CYRIB: variants seen among roughly 807,000 people sequenced by gnomAD.
The protein encoded by CYRIB is CYFIP-related Rac1 interactor B.
CYRIB carries 8 observed loss-of-function variants against 44.2 expected under a neutral mutation model. The ratio of observed to expected loss-of-function variants is 0.18; its 90% CI spans 0.11 to 0.33. The LOEUF is 0.33. Among genes scored for constraint, CYRIB ranks in the 10% least tolerant of loss-of-function variants. The pLI, the probability that CYRIB is intolerant of heterozygous loss-of-function variation, is 1.00. For missense variants in CYRIB, 185 were observed against 382.8 expected (o/e 0.48, Z 4.31); for synonymous variants, 131 against 127.2 (o/e 1.03, Z -0.20).
Position 129,893,152 on chromosome 8 carries a change from C to T in CYRIB, c.-11+10160G>A, listed in dbSNP as rs181864769. 3.9e-5 allele frequency among the ~76,000 whole-genome samples: 6 copies of T among 152,344 alleles called. No homozygotes were observed. The East Asian group carries it at 1.2e-3, about 29-fold the overall frequency. On this transcript the variant is annotated intron_variant, in intron 2 of 11. Transcript: ENST00000519824. ...TTCAGGTACCTACCTCTTTCTAATA[C>T]ACATGCTACAACGCATGGATGATCA...
At chr8:129,975,652 C>T (rs1459664954) in intron 1 of CYRIB, among the ~76,000 whole-genome samples, 1 of 152,178 alleles carries the variant, frequency 6.6e-6, no homozygotes, top group African/African-American at 2.4e-5. Context: ...CTGCTTCATT[C>T]CATAATTATT....
chr8:129,989,621 C>G (rs998124086), intron 1 of CYRIB, among the ~76,000 whole-genome samples: 1 of 150,974 alleles, frequency 6.6e-6, no homozygotes, highest in Admixed American at 6.6e-5. Context: ...TTCAGGACCT[C>G]GCAAGCCTGA....
intron 1 of CYRIB, among the ~76,000 whole-genome samples, chr8:130,010,341 G>A (rs1324278293): frequency 6.6e-6 from 1 of 152,216 alleles, no homozygotes; most frequent in African/African-American, 2.4e-5. Flanking sequence ...GCACTGTGGA[G>A]CGGTGAGCAA....
intron 1 of CYRIB, among the ~76,000 whole-genome samples, chr8:129,907,343 A>AG (rs112839631): frequency 0.057 from 8,649 of 152,158 alleles, 817 homozygotes; most frequent in African/African-American, 0.19. Flanking sequence ...AACCTATCGC[A>AG]GAACAAAAAA....
chr8:129,937,971 AC>A (rs1311414363), intron 1 of CYRIB, among the ~76,000 whole-genome samples: 1 of 152,136 alleles, frequency 6.6e-6, no homozygotes, highest in Non-Finnish European at 1.5e-5. Flanking sequence ...ACAGCCAAGT[AC>A]CTTTTTAACA....
chr8:129,992,892 C>T (rs1043391042), intron 1 of CYRIB, among the ~76,000 whole-genome samples: 29 of 152,154 alleles, frequency 1.9e-4, no homozygotes, highest in African/African-American at 7.0e-4. Flanking sequence ...GCAAATTTGG[C>T]TCCGAGCTTC....
At chr8:129,855,390 CAAAA>C (rs200820053) in intron 6 of CYRIB, among the ~76,000 whole-genome samples, 3 of 102,340 alleles carry the variant, frequency 2.9e-5, no homozygotes, top group Non-Finnish European at 6.4e-5. Context: ...GGCTCTGCCT[CAAAA>C]AAAAAAAAAA....
At chr8:129,937,915 G>A (rs1286883357) in intron 1 of CYRIB, among the ~76,000 whole-genome samples, 2 of 151,452 alleles carry the variant, frequency 1.3e-5, no homozygotes, top group Admixed American at 6.6e-5. Flanking sequence ...CATGAGTTAG[G>A]AAATCTTACT....
intron 1 of CYRIB, among the ~76,000 whole-genome samples, chr8:130,015,528 C>T (rs1793304198): frequency 6.6e-6 from 1 of 152,176 alleles, no homozygotes; most frequent in Admixed American, 6.5e-5. Context: ...GACACTCCCC[C>T]GCAGCCCCAG....
chr8:129,993,785 C>A (rs1409735439), intron 1 of CYRIB, among the ~76,000 whole-genome samples: 1 of 151,942 alleles, frequency 6.6e-6, no homozygotes, highest in Non-Finnish European at 1.5e-5. Flanking sequence ...GCACTTGAAC[C>A]CAAGAAGTGG....
chr8:129,900,012 G>C (rs552511990), intron 2 of CYRIB, among the ~76,000 whole-genome samples: 1 of 152,186 alleles, frequency 6.6e-6, no homozygotes, highest in South Asian at 2.1e-4. Flanking sequence ...TGATTCTGAA[G>C]ACTTTCACTA....
At chr8:129,963,211 A>C (rs2095343721) in intron 2 of CYRIB, among the ~76,000 whole-genome samples, 1 of 152,210 alleles carries the variant, frequency 6.6e-6, no homozygotes, top group Admixed American at 6.5e-5. Flanking sequence ...AGCCTTGGCA[A>C]CACTTTAAGC....
At chr8:129,967,393 T>G (rs1052703210) in intron 2 of CYRIB, among the ~76,000 whole-genome samples, 8 of 151,718 alleles carry the variant, frequency 5.3e-5, no homozygotes, top group African/African-American at 1.9e-4. Flanking sequence ...TTTTGTTTTT[T>G]TTTTGAGATG....
At chr8:129,952,556 A>G (rs1277429187) in intron 2 of CYRIB, among the ~76,000 whole-genome samples, 1 of 152,184 alleles carries the variant, frequency 6.6e-6, no homozygotes, top group Non-Finnish European at 1.5e-5. Flanking sequence ...GTGAAATAAT[A>G]TTCTTTTTCA....
At chr8:129,892,530 A>T (rs2065896288) in intron 2 of CYRIB, among the ~76,000 whole-genome samples, 1 of 151,596 alleles carries the variant, frequency 6.6e-6, no homozygotes, top group African/African-American at 2.4e-5. Context: ...TTCTTTATAT[A>T]TCATGCTGTA....
chr8:129,990,650 T>G (rs1343025958), intron 1 of CYRIB, among the ~76,000 whole-genome samples: 1 of 151,922 alleles, frequency 6.6e-6, no homozygotes, highest in African/African-American at 2.4e-5. Context: ...GCCTCCCAAG[T>G]AGCTGGGACT....
intron 3 of CYRIB, among the ~76,000 whole-genome samples, chr8:129,878,756 AAAAC>A (rs1420765032): frequency 7.2e-5 from 11 of 152,248 alleles, no homozygotes; most frequent in African/African-American, 2.4e-4. Context: ...CATGCAACAT[AAAAC>A]AAACAGAAGG....
upstream of CYRIB, among the ~76,000 whole-genome samples, chr8:129,943,112 G>C (rs2093855475): frequency 1.2e-5 from 1 of 82,328 alleles, no homozygotes; most frequent in Non-Finnish European, 2.2e-5. Context: ...TGTGTCCTAG[G>C]CATCAGGCTG....
chr8:129,841,534 T>C (rs1322186902), exon 12 of CYRIB: 1 of 152,666 alleles, frequency 6.6e-6, no homozygotes, highest in Admixed American at 6.5e-5. Context: ...TGAACATGCA[T>C]ACGTAATATT....
Sources: allele counts gnomAD v4.1 joint callset (sites outside exome capture counted in the v4.1 genomes callset), GRCh38; gene constraint gnomAD v4.1.1; transcripts MANE v1.5; gene names NCBI Gene and HGNC (gene_info 2026-07-23, HGNC 2026-07-21).